Variants in ADCY2 observed in about 807,000 individuals in gnomAD.
The protein encoded by ADCY2 is adenylate cyclase type 2.
ADCY2 carries 31 observed loss-of-function variants against 125.2 expected under a neutral mutation model. The observed-to-expected ratio is 0.25, with a 90% confidence interval of 0.19 to 0.33. The LOEUF is 0.33. ADCY2 is among the 10% of genes least tolerant of loss of function. The pLI is 1.00. For synonymous variants in ADCY2, 512 were observed against 548.4 expected, an observed-to-expected ratio of 0.93 and a Z score of 0.93; for missense variants, 904 against 1,418.2, an observed-to-expected ratio of 0.64 and a Z score of 5.82.
At chr5:7,740,990 C>G (rs1370394988) in intron 14 of ADCY2, among the ~76,000 whole-genome samples, 1 of 151,754 alleles carries the variant, frequency 6.6e-6, no homozygotes, top group East Asian at 1.9e-4. Flanking sequence ...AATAATAAAC[C>G]AAACACTTAT....
intron 3 of ADCY2, among the ~76,000 whole-genome samples, chr5:7,578,589 A>C (rs779190272): frequency 2.0e-5 from 3 of 152,116 alleles, no homozygotes; most frequent in Non-Finnish European, 2.9e-5. Context: ...CTGTTTGTTT[A>C]TCTGATATCT....
intron 3 of ADCY2, among the ~76,000 whole-genome samples, chr5:7,609,703 CA>C (rs1284696200): frequency 6.6e-6 from 1 of 152,062 alleles, no homozygotes; most frequent in African/African-American, 2.4e-5. Context: ...TTACTTTTGG[CA>C]AATGATGTTG....
chr5:7,399,901 TATC>T (rs1484161690), intron 1 of ADCY2, among the ~76,000 whole-genome samples: 2 of 152,240 alleles, frequency 1.3e-5, no homozygotes, highest in Non-Finnish European at 2.9e-5. Flanking sequence ...TCATAAATCT[TATC>T]ATGTCACTTG....
Position 7,748,467 on chromosome 5 carries a change from AAGTG to A in ADCY2, c.1956+4719_1956+4722del, listed in dbSNP as rs529853299. On this transcript the variant is annotated intron_variant, in intron 15 of 24. Coordinates refer to ENST00000338316, the MANE Select transcript of ADCY2 (RefSeq NM_020546.3). ...AGGACTCCAAAGGTGCCATCCACTT[AAGTG>A]AGTTTTTATTTCCAATTATTTAAAA... is the stretch of plus-strand genomic sequence containing the variant. 3.4e-3 allele frequency among the ~76,000 whole-genome samples: 509 copies of A among 151,896 alleles called. 4 individuals are homozygous for A. Among genetic ancestry groups the A allele is most frequent in the African/African-American group, 0.012 (487 of 41,390 alleles).
intron 2 of ADCY2, among the ~76,000 whole-genome samples, chr5:7,474,354 C>A (rs1433879654): frequency 2.0e-5 from 3 of 151,958 alleles, no homozygotes; most frequent in Non-Finnish European, 4.4e-5. Context: ...GAAAATAAAG[C>A]AATAATGCAA....
At chr5:7,484,461 G>A (rs1299393631) in intron 2 of ADCY2, among the ~76,000 whole-genome samples, 1 of 152,194 alleles carries the variant, frequency 6.6e-6, no homozygotes, top group Non-Finnish European at 1.5e-5. Flanking sequence ...CACTGCTGCA[G>A]AGAGACCCAA....
chr5:7,709,276 G>T lies in ADCY2; in HGVS notation c.1467G>T (p.Arg489Ser). ...ACACCCTTGATGGAGCCAAAATGAG[G>T]GCCTCGGTCCGCATGACCCGGTACT... ...PRHTLDGAKM[R>S]ASVRMTRYLE... Residue 489 changes from arginine (R) to serine (S), a missense_variant, in exon 10 of 25, where the codon AGG becomes AGT. By Grantham distance (110) the Arg-to-Ser change is moderately radical. This residue lies in a region of ADCY2 where 144 missense variants were observed against 227.7 expected (regional missense o/e 0.63). Coordinates refer to ENST00000338316, the MANE Select transcript of ADCY2 (RefSeq NM_020546.3). This position sits in a 1 kb window ranked among gnomAD's most constrained non-coding sequence, Gnocchi z 4.4. 3.7e-6 allele frequency: 6 copies of T among 1,613,720 alleles called. No individual in the cohort carries two copies. Among genetic ancestry groups the T allele is most frequent in the Non-Finnish European group, 5.1e-6 (6 of 1,179,876 alleles).
intron 16 of ADCY2, among the ~76,000 whole-genome samples, chr5:7,765,938 C>CGA (rs145505658): frequency 2.0e-5 from 3 of 149,442 alleles, no homozygotes; most frequent in East Asian, 2.0e-4. Flanking sequence ...AGCGAGCGAG[C>CGA]GAGAGAGAGA....
chr5:7,820,486 C>T, intron 23 of ADCY2, 79 bp from the exon 24 acceptor site: 1 of 1,523,658 alleles, frequency 6.6e-7, no homozygotes. Flanking sequence ...AGAATAAGAC[C>T]CCATCTCAAA....
chr5:7,430,032 T>C (rs1016500359), intron 2 of ADCY2, among the ~76,000 whole-genome samples: 1 of 152,132 alleles, frequency 6.6e-6, no homozygotes, highest in African/African-American at 2.4e-5. Flanking sequence ...GGGGTTATTG[T>C]TATAGGTTCT....
chr5:7,742,130 A>C (rs1220906528), intron 14 of ADCY2, among the ~76,000 whole-genome samples: 2 of 88,132 alleles, frequency 2.3e-5, no homozygotes, highest in Non-Finnish European at 7.2e-5. Context: ...ATAGTGCCCA[A>C]AAAAAAAAAA....
intron 3 of ADCY2, among the ~76,000 whole-genome samples, chr5:7,591,150 T>C (rs1736839742): frequency 6.6e-6 from 1 of 152,208 alleles, no homozygotes; most frequent in Admixed American, 6.5e-5. Context: ...TTGATCACTA[T>C]CTAAAGCGTG....
intron 7 of ADCY2, among the ~76,000 whole-genome samples, chr5:7,698,619 T>C (rs1251229178): frequency 6.6e-6 from 1 of 152,200 alleles, no homozygotes; most frequent in Non-Finnish European, 1.5e-5. Flanking sequence ...CTCCCACTTA[T>C]GAGTGAGAAC....
rs554459558 is a variant in ADCY2, at chr5:7,444,317, G to A, written c.408+29547G>A. On this transcript the variant is annotated intron_variant, in intron 2 of 24. Coordinates refer to ENST00000338316, the MANE Select transcript of ADCY2 (RefSeq NM_020546.3). ...TTTTTAGTAGAGATGGGGTTTCACC[G>A]TGTTAGCCAGGATGGTCTCAATCTC... Among the ~76,000 whole-genome samples the A allele has an allele frequency of 3.9e-5, 6 of 151,914 alleles. No homozygotes were observed. In the East Asian group the frequency reaches 1.2e-3, roughly 30 times the overall value.
At chr5:7,563,161 C>A (rs1735776300) in intron 3 of ADCY2, among the ~76,000 whole-genome samples, 1 of 152,152 alleles carries the variant, frequency 6.6e-6, no homozygotes, top group Non-Finnish European at 1.5e-5. Flanking sequence ...AAGGAATTAG[C>A]AGGTTACATG....
intron 3 of ADCY2, among the ~76,000 whole-genome samples, chr5:7,540,911 G>A (rs749817738): frequency 1.6e-4 from 25 of 152,164 alleles, no homozygotes; most frequent in African/African-American, 2.2e-4. Context: ...GAGGACTTCC[G>A]TCCTGTACTT....
At chr5:7,566,344 A>G (rs1047862856) in intron 3 of ADCY2, among the ~76,000 whole-genome samples, 3 of 152,052 alleles carry the variant, frequency 2.0e-5, no homozygotes, top group African/African-American at 7.2e-5. Flanking sequence ...AAAATTAAAA[A>G]AATTAGCCAG....
intron 4 of ADCY2, among the ~76,000 whole-genome samples, chr5:7,646,557 G>A (rs989655026): frequency 3.9e-5 from 6 of 152,118 alleles, no homozygotes; most frequent in Admixed American, 6.5e-5. Context: ...ACAAGGACAA[G>A]ACCTCTCCTT....
intron 3 of ADCY2, among the ~76,000 whole-genome samples, chr5:7,526,474 T>C (rs1055527881): frequency 6.6e-6 from 1 of 152,168 alleles, no homozygotes; most frequent in African/African-American, 2.4e-5. Flanking sequence ...AGAATTGTAA[T>C]GTTCCCAACA....
Sources: allele counts gnomAD v4.1 joint callset (sites outside exome capture counted in the v4.1 genomes callset), GRCh38; gene constraint gnomAD v4.1.1; regional missense constraint gnomAD v4.1.1; non-coding constraint Gnocchi (gnomAD v3.1); transcripts MANE v1.5; gene names NCBI Gene and HGNC (gene_info 2026-07-23, HGNC 2026-07-21).